The following RBMS3 variants were observed in gnomAD, a reference collection of about 807,000 sequenced individuals.
The protein encoded by RBMS3 is RNA binding motif single stranded interacting protein 3.
A neutral mutation model predicts 66.8 loss-of-function variants in RBMS3; 27 were observed. The observed-to-expected ratio is 0.40, with a 90% CI of 0.30 to 0.56. The LOEUF (loss-of-function observed/expected upper bound fraction) is 0.56, where lower values mean the gene tolerates loss of function less well. RBMS3 is among the 20% of genes least tolerant of loss of function. The pLI is 0.40. For missense variants in RBMS3, 513 were observed against 549.5 expected, an observed-to-expected ratio of 0.93 and a Z score of 0.66; for synonymous variants, 188 against 183.0, an observed-to-expected ratio of 1.03 and a Z score of -0.22.
chr3:29,430,359 G>A (rs1018010522), intron 1 of RBMS3, among the ~76,000 whole-genome samples: 11 of 151,596 alleles, frequency 7.3e-5, no homozygotes, highest in Admixed American at 2.0e-4. Flanking sequence ...AAAGAAAACC[G>A]CCTTTTTGTA....
chr3:29,483,748 A>G (rs1387952583), intron 2 of RBMS3, among the ~76,000 whole-genome samples: 1 of 152,204 alleles, frequency 6.6e-6, no homozygotes, highest in Non-Finnish European at 1.5e-5. Flanking sequence ...AATCTCTAAG[A>G]CATATAAAAA....
intron 3 of RBMS3, among the ~76,000 whole-genome samples, chr3:29,552,592 T>TAGA (rs2046213245): frequency 6.6e-6 from 1 of 152,158 alleles, no homozygotes; most frequent in Non-Finnish European, 1.5e-5. Flanking sequence ...AAAAAGTGAA[T>TAGA]AGCAGTAGTG....
At chr3:29,353,391 C>T (rs2037039303) in intron 1 of RBMS3, among the ~76,000 whole-genome samples, 2 of 151,794 alleles carry the variant, frequency 1.3e-5, no homozygotes, top group South Asian at 2.1e-4. Context: ...ATTAGACGAG[C>T]TCTGTGTGCC....
rs904209899 is a variant in RBMS3 at position 29,859,851 on chromosome 3, AATAC to A, written c.638-8993_638-8990del. Among the ~76,000 whole-genome samples the A allele has an allele frequency of 3.9e-5, 6 of 152,152 alleles. 1 individual carries two copies. In the South Asian group the frequency reaches 8.3e-4, roughly 21 times the overall value. On this transcript the variant is annotated intron_variant, in intron 6 of 14. Coordinates refer to ENST00000383767, the MANE Select transcript of RBMS3 (RefSeq NM_001003793.3). ...AAAGCTTGCCAGCTCTATATCTAGA[AATAC>A]ATACATACATACACACATATGCATG...
At chr3:29,413,368 TCATTCATA>T (rs762226647) in intron 1 of RBMS3, among the ~76,000 whole-genome samples, 437 of 135,996 alleles carry the variant, frequency 3.2e-3, no homozygotes, top group South Asian at 6.7e-3. Flanking sequence ...AAACTCCATC[TCATTCATA>T]CATACATACA....
intron 1 of RBMS3, among the ~76,000 whole-genome samples, chr3:29,327,399 C>A (rs1167860570): frequency 6.6e-6 from 1 of 152,114 alleles, no homozygotes; most frequent in East Asian, 1.9e-4. Context: ...GTTAAGGCTA[C>A]CTCTATGTGA....
chr3:29,424,644 C>T (rs2040873756), intron 1 of RBMS3, among the ~76,000 whole-genome samples: 1 of 152,222 alleles, frequency 6.6e-6, no homozygotes. Context: ...GCAAAGTTCC[C>T]ATTTAATTGG....
At chr3:29,988,308 C>A in intron 13 of RBMS3, 85 bp downstream of exon 13, 3 of 1,129,314 alleles carry the variant, frequency 2.7e-6, no homozygotes, top group South Asian at 1.3e-5. Context: ...CATAGGAATC[C>A]TCACTTGCAA....
chr3:29,418,834 T>C lies in RBMS3; in HGVS notation c.76-15909T>C, dbSNP rs573275096. Among the ~76,000 whole-genome samples, 173 of 152,270 alleles carry C rather than the reference T, an allele frequency of 1.1e-3. 1 individual carries two copies. The highest frequency in any genetic ancestry group is 6.8e-3 in the Middle Eastern group (2 of 294). On this transcript the variant is annotated intron_variant, in intron 1 of 14. Coordinates refer to ENST00000383767, the MANE Select transcript of RBMS3 (RefSeq NM_001003793.3). ...GCAAAAGTCCTATGTTGTTAGTCCT[T>C]CTCTCATTTTATTTTTATCTGTATT...
intron 2 of RBMS3, among the ~76,000 whole-genome samples, chr3:29,438,208 C>T (rs2041476301): frequency 6.6e-6 from 1 of 152,098 alleles, no homozygotes; most frequent in Admixed American, 6.6e-5. Flanking sequence ...TTTAAATGAA[C>T]TTGCCATCAA....
chr3:29,731,027 C>T lies in RBMS3; in HGVS notation c.400-8693C>T, dbSNP rs532417485. 11 of 985,326 alleles carry T rather than the reference C, an allele frequency of 1.1e-5. No individual in the cohort carries two copies. In the East Asian group the frequency reaches 1.3e-3, roughly 112 times the overall value. The allele number at this position is 985,326 out of a possible 1,614,324, so 61.0% of individuals were successfully genotyped here. A position where few individuals can be genotyped will look rare whatever the true frequency, so the allele number is the denominator to read the frequency against. On this transcript the variant is annotated intron_variant, in intron 4 of 14. Coordinates refer to ENST00000383767, the MANE Select transcript of RBMS3 (RefSeq NM_001003793.3). ...GGACCAAAGGTAACTTAAATTTAGT[C>T]ATAAAGGCTGGAGATCCTCATGGAA...
chr3:29,631,378 C>T (rs528952884), intron 4 of RBMS3, among the ~76,000 whole-genome samples: 4 of 151,874 alleles, frequency 2.6e-5, no homozygotes, highest in East Asian at 3.9e-4. Context: ...TTTCTGTTAT[C>T]TTGAGGGTCT....
chr3:29,670,460 C>T (rs1478132313), intron 4 of RBMS3, among the ~76,000 whole-genome samples: 2 of 152,120 alleles, frequency 1.3e-5, no homozygotes, highest in Non-Finnish European at 2.9e-5. Context: ...GGCATCGCCT[C>T]ACTCGGGAAT....
chr3:29,298,956 C>T (rs2033477712), intron 1 of RBMS3, among the ~76,000 whole-genome samples: 1 of 151,824 alleles, frequency 6.6e-6, no homozygotes, highest in African/African-American at 2.4e-5. Context: ...GGAGTTATAA[C>T]ACGATTCTTG....
intron 1 of RBMS3, among the ~76,000 whole-genome samples, chr3:29,401,228 C>T (rs1185055231): frequency 1.3e-5 from 2 of 151,980 alleles, no homozygotes; most frequent in African/African-American, 4.8e-5. Context: ...AGAATTTTCC[C>T]TCATTTATTG....
chr3:29,829,744 A>C (rs1337481760), intron 6 of RBMS3, among the ~76,000 whole-genome samples: 2 of 152,176 alleles, frequency 1.3e-5, no homozygotes, highest in Non-Finnish European at 2.9e-5. Context: ...CCCTATTTCA[A>C]TGTCAGGCAA....
chr3:29,862,322 G>A (rs1001627351), intron 6 of RBMS3, among the ~76,000 whole-genome samples: 1 of 152,132 alleles, frequency 6.6e-6, no homozygotes, highest in African/African-American at 2.4e-5. Flanking sequence ...CTTACTGTGA[G>A]TAACATCACT....
chr3:29,932,636 A>G (rs2149682732), intron 10 of RBMS3, among the ~76,000 whole-genome samples: 1 of 152,326 alleles, frequency 6.6e-6, no homozygotes, highest in Non-Finnish European at 1.5e-5. Flanking sequence ...TAAAACAGCT[A>G]TGTGTGCTCT....
chr3:29,658,681 C>T (rs1388974120), intron 4 of RBMS3, among the ~76,000 whole-genome samples: 1 of 152,104 alleles, frequency 6.6e-6, no homozygotes, highest in Non-Finnish European at 1.5e-5. Context: ...TCATTCATGC[C>T]GTAATTTGGT....
Sources: gnomAD v4.1 joint callset for allele counts (sites outside exome capture counted in the v4.1 genomes callset) on GRCh38, gnomAD v4.1.1 for gene constraint, MANE v1.5 for transcripts, NCBI Gene and HGNC (gene_info 2026-07-23, HGNC 2026-07-21) for gene names.